KCNG3: variants seen among roughly 807,000 people sequenced by gnomAD.
KCNG3 encodes the protein voltage-gated potassium channel regulatory subunit KCNG3.
A neutral mutation model predicts 29.0 loss-of-function variants in KCNG3; 15 were observed. The ratio of observed to expected loss-of-function variants is 0.52; its 90% confidence interval spans 0.35 to 0.80. The LOEUF (loss-of-function observed/expected upper bound fraction) is 0.80. KCNG3 is among the 30% of genes least tolerant of loss of function. The pLI is 0.01. For missense variants in KCNG3, 512 were observed against 605.7 expected (o/e 0.85, Z 1.62); for synonymous variants, 322 against 248.9 (o/e 1.29, Z -2.76).
At chr2:42,419,289 G>C in the KCNG3 span, among the ~76,000 whole-genome samples, 1 of 130,930 alleles carries the variant, frequency 7.6e-6, no homozygotes, top group African/African-American at 2.9e-5. Context: ...CCAGGCTGGA[G>C]TGCAGTGGTG....
chr2:42,443,919 T>C lies in KCNG3; in HGVS notation c.*15A>G, dbSNP rs1328728364. ...TCTTTCTATGAAGTGTATGCAAGAA[T>C]TGATTTGCAATGCATTAATTCAGGA... On this transcript the variant is annotated 3_prime_UTR_variant, in exon 2 of 2. Transcript: ENST00000306078. 6 of 1,588,724 alleles carry C rather than the reference T, an allele frequency of 3.8e-6. No homozygotes were observed. The Middle Eastern group carries it at 6.7e-4, about 179-fold the overall frequency.
the KCNG3 span, among the ~76,000 whole-genome samples, chr2:42,422,858 G>C: frequency 6.6e-6 from 1 of 152,152 alleles, no homozygotes; most frequent in Non-Finnish European, 1.5e-5. Flanking sequence ...CTGACTGTGA[G>C]GAGCCATTTA....
chr2:42,490,932 C>T (rs1347230072), intron 1 of KCNG3, among the ~76,000 whole-genome samples: 1 of 152,284 alleles, frequency 6.6e-6, no homozygotes, highest in Middle Eastern at 3.4e-3. Flanking sequence ...GAGCAGCATC[C>T]TCATTCGGCC....
At chr2:42,484,072 C>T (rs1203505448) in intron 1 of KCNG3, among the ~76,000 whole-genome samples, 1 of 152,298 alleles carries the variant, frequency 6.6e-6, no homozygotes, top group East Asian at 1.9e-4. Context: ...GCCTAAGCCC[C>T]TGCTCCTGGC....
the KCNG3 span, among the ~76,000 whole-genome samples, chr2:42,433,031 C>A: frequency 6.6e-6 from 1 of 151,302 alleles, no homozygotes; most frequent in African/African-American, 2.4e-5. Context: ...ATGGAAAAAC[C>A]CACAACTAAC....
chr2:42,390,960 T>C, the KCNG3 span, among the ~76,000 whole-genome samples: 3 of 152,160 alleles, frequency 2.0e-5, no homozygotes, highest in African/African-American at 4.8e-5. Flanking sequence ...TGCCTTAGGA[T>C]TTCCCCCAGA....
At chr2:42,406,594 A>C in the KCNG3 span, among the ~76,000 whole-genome samples, 1 of 149,936 alleles carries the variant, frequency 6.7e-6, no homozygotes, top group South Asian at 2.2e-4. Flanking sequence ...TGGGAGGCTG[A>C]GGTGGGTGGA....
At chr2:42,460,213 C>T (rs1245761117) in intron 1 of KCNG3, among the ~76,000 whole-genome samples, 3 of 151,652 alleles carry the variant, frequency 2.0e-5, no homozygotes, top group Non-Finnish European at 4.4e-5. Context: ...AAAAAAATAG[C>T]AGGCATGATG....
intron 1 of KCNG3, among the ~76,000 whole-genome samples, chr2:42,468,293 A>G (rs1322601004): frequency 1.3e-5 from 2 of 152,144 alleles, no homozygotes; most frequent in African/African-American, 4.8e-5. Context: ...AATTATTAGA[A>G]TAAATGAAAA....
Position 42,443,887 on chromosome 2 carries a change from ATCAAAG to A in KCNG3, c.*41_*46del. 6.6e-7 allele frequency: 1 copy of A among 1,525,370 alleles called. No individual in the cohort carries two copies. Among genetic ancestry groups the A allele is most frequent in the Non-Finnish European group, 8.9e-7 (1 of 1,125,428 alleles). 94.5% of individuals were successfully genotyped at this position (1,525,370 alleles called of 1,614,324 possible). A position where few individuals can be genotyped will look rare whatever the true frequency, so the allele number is the denominator to read the frequency against. On this transcript the variant is annotated 3_prime_UTR_variant, in exon 2 of 2. Transcript: ENST00000306078. The stretch of plus-strand genomic sequence containing the variant: ...AAGAAACACATAAATATGAAGCAGC[ATCAAAG>A]TCTTTCTATGAAGTGTATGCAAGAA...
the KCNG3 span, among the ~76,000 whole-genome samples, chr2:42,421,461 G>A: frequency 6.6e-6 from 1 of 152,124 alleles, no homozygotes; most frequent in Non-Finnish European, 1.5e-5. Flanking sequence ...GAGCAGGATC[G>A]TGGAAATAGC....
At chr2:42,459,087 T>G (rs924429434) in intron 1 of KCNG3, among the ~76,000 whole-genome samples, 2 of 151,574 alleles carry the variant, frequency 1.3e-5, no homozygotes, top group African/African-American at 4.9e-5. Flanking sequence ...TCCCAGATAC[T>G]CGGGAGGCTT....
the KCNG3 span, among the ~76,000 whole-genome samples, chr2:42,395,306 A>C: frequency 1.3e-5 from 2 of 152,156 alleles, no homozygotes; most frequent in African/African-American, 2.4e-5. Flanking sequence ...TGGAAAAAAA[A>C]CACACAGCAC....
At chr2:42,490,888 C>T (rs998893877) in intron 1 of KCNG3, among the ~76,000 whole-genome samples, 2 of 152,166 alleles carry the variant, frequency 1.3e-5, no homozygotes, top group Non-Finnish European at 2.9e-5. Flanking sequence ...AGGGCCCTCT[C>T]TGTTGAAGGG....
the KCNG3 span, among the ~76,000 whole-genome samples, chr2:42,398,043 G>A: frequency 3.3e-5 from 5 of 152,086 alleles, no homozygotes; most frequent in South Asian, 6.2e-4. Context: ...CTAACACAGT[G>A]AAACCCTGTC....
At chr2:42,445,159 T>C (rs1460036386) in intron 1 of KCNG3, among the ~76,000 whole-genome samples, 1 of 152,034 alleles carries the variant, frequency 6.6e-6, no homozygotes, top group Non-Finnish European at 1.5e-5. Context: ...TACTTGTCAC[T>C]AATACTTTTA....
chr2:42,478,574 G>C lies in KCNG3; in HGVS notation c.665+14263C>G, dbSNP rs17029746. ...GTAAAGCTTAAAAAAAAAAAATTGAGTACATGGTAGTGGAGGATATAAAAA... is the reference window on the plus strand; with the variant it reads ...GTAAAGCTTAAAAAAAAAAAATTGACTACATGGTAGTGGAGGATATAAAAA... On this transcript the variant is annotated intron_variant, in intron 1 of 1. Transcript: ENST00000306078. Among the ~76,000 whole-genome samples the C allele has an allele frequency of 9.9e-4, 151 of 152,132 alleles. 2 individuals are homozygous for C. Among genetic ancestry groups the C allele is most frequent in the African/African-American group, 3.5e-3 (144 of 41,500 alleles).
At position 42,442,754 on chromosome 2, in the gene KCNG3, C is replaced by T. The variant is rs1672513581; in HGVS notation, c.*1180G>A. 6.6e-6 allele frequency: 1 copy of T among 152,200 alleles called. No homozygotes were observed. The highest frequency in any genetic ancestry group is 1.5e-5 in the Non-Finnish European group (1 of 68,034). 9.4% of individuals were successfully genotyped at this position (152,200 alleles called of 1,614,324 possible). A position where few individuals can be genotyped will look rare whatever the true frequency, so the allele number is the denominator to read the frequency against. ...AGTTACTAAACAATCATCACTTTTACATTATCTAGTCCTAATAATCTAGCC... is the reference window on the plus strand; with the variant it reads ...AGTTACTAAACAATCATCACTTTTATATTATCTAGTCCTAATAATCTAGCC... On this transcript the variant is annotated 3_prime_UTR_variant, in exon 2 of 2. Transcript: ENST00000306078.
At chr2:42,476,637 C>T (rs1673434438) in intron 1 of KCNG3, among the ~76,000 whole-genome samples, 1 of 151,616 alleles carries the variant, frequency 6.6e-6, no homozygotes, top group South Asian at 2.1e-4. Flanking sequence ...TAGGCGCACA[C>T]CACCATGCCT....
Sources: gnomAD v4.1 joint callset for allele counts (sites outside exome capture counted in the v4.1 genomes callset) on GRCh38, gnomAD v4.1.1 for gene constraint, MANE v1.5 for transcripts, NCBI Gene and HGNC (gene_info 2026-07-23, HGNC 2026-07-21) for gene names.